Variants in TTC7B observed in about 807,000 individuals in gnomAD.
TTC7B encodes the protein tetratricopeptide repeat domain 7B, also known as tetratricopeptide repeat protein 7B.
Under a neutral mutation model 106.8 loss-of-function variants are expected in TTC7B, and 28 were observed. The ratio of observed to expected loss-of-function variants is 0.26; its 90% CI spans 0.19 to 0.36. TTC7B has a LOEUF of 0.36. Among genes scored for constraint, TTC7B ranks in the 10% least tolerant of loss-of-function variants. The probability of loss-of-function intolerance (pLI) is 1.00; values close to 1 mark genes in which losing one functional copy is unlikely to be tolerated. For missense variants in TTC7B, 862 were observed against 1,076.4 expected (o/e 0.80, Z 2.79); for synonymous variants, 405 against 430.6 (o/e 0.94, Z 0.74).
chr14:90,601,268 G>A (rs564466343), intron 17 of TTC7B, among the ~76,000 whole-genome samples: 2 of 152,206 alleles, frequency 1.3e-5, no homozygotes, highest in East Asian at 3.9e-4. Flanking sequence ...TTCTTTTAAA[G>A]CTACTTTATT....
At chr14:90,606,237 C>T (rs961241281) in intron 17 of TTC7B, among the ~76,000 whole-genome samples, 1 of 152,076 alleles carries the variant, frequency 6.6e-6, no homozygotes, top group African/African-American at 2.4e-5. Flanking sequence ...AGCATTATGA[C>T]AAGGGGGTGC....
At chr14:90,638,325 TTATG>T (rs1885032710) in intron 15 of TTC7B, among the ~76,000 whole-genome samples, 1 of 152,302 alleles carries the variant, frequency 6.6e-6, no homozygotes, top group South Asian at 2.1e-4. Context: ...AAAAAAGTCA[TTATG>T]TATGTAGAAA....
intron 15 of TTC7B, among the ~76,000 whole-genome samples, chr14:90,625,359 A>G (rs533228558): frequency 6.6e-6 from 1 of 152,274 alleles, no homozygotes; most frequent in South Asian, 2.1e-4. Context: ...AGCAGGGAGG[A>G]GGGATTCCTT....
At chr14:90,661,691 A>G (rs1166959581) in intron 9 of TTC7B, among the ~76,000 whole-genome samples, 1 of 152,180 alleles carries the variant, frequency 6.6e-6, no homozygotes, top group Admixed American at 6.5e-5. Flanking sequence ...AACACCACCA[A>G]GTACTTCAAT....
At chr14:90,680,914 T>C (rs879426720) in intron 7 of TTC7B, among the ~76,000 whole-genome samples, 17 of 152,252 alleles carry the variant, frequency 1.1e-4, no homozygotes, top group Non-Finnish European at 1.9e-4. Flanking sequence ...GTACTCTTCT[T>C]ACCTCTTACC....
chr14:90,693,361 A>G (rs889811026), intron 6 of TTC7B, among the ~76,000 whole-genome samples: 1 of 152,198 alleles, frequency 6.6e-6, no homozygotes, highest in African/African-American at 2.4e-5. Context: ...AGGAGAGTCA[A>G]ATTGCTAACC....
chr14:90,741,208 C>G (rs1457391975), intron 4 of TTC7B, among the ~76,000 whole-genome samples: 1 of 152,142 alleles, frequency 6.6e-6, no homozygotes, highest in Admixed American at 6.5e-5. Context: ...TGTCACTGCC[C>G]TTCAGGAACC....
At chr14:90,566,859 T>C (rs1566773732) in intron 19 of TTC7B, among the ~76,000 whole-genome samples, 1 of 152,076 alleles carries the variant, frequency 6.6e-6, no homozygotes, top group African/African-American at 2.4e-5. Context: ...CAGACCTTGG[T>C]TGGTTTGTTC....
chr14:90,584,771 C>A (rs1463889419), intron 18 of TTC7B, among the ~76,000 whole-genome samples: 1 of 152,122 alleles, frequency 6.6e-6, no homozygotes, highest in Non-Finnish European at 1.5e-5. Flanking sequence ...TCCTTTACCC[C>A]TGACCCTGCC....
chr14:90,799,687 G>T (rs1434396185), intron 1 of TTC7B, among the ~76,000 whole-genome samples: 1 of 152,212 alleles, frequency 6.6e-6, no homozygotes, highest in Non-Finnish European at 1.5e-5. Flanking sequence ...GTGTGGCTGG[G>T]TGGAGGGAAG....
chr14:90,692,862 T>C (rs1185526994), intron 6 of TTC7B, among the ~76,000 whole-genome samples: 1 of 152,062 alleles, frequency 6.6e-6, no homozygotes, highest in Non-Finnish European at 1.5e-5. Context: ...ATAAATCACA[T>C]TGATATTTAA....
chr14:90,789,904 A>AT lies in TTC7B; in HGVS notation c.122-3577_122-3576insA, dbSNP rs879489291. ...GAGCGAGACTCTGTCTCAAAAAAAAAAAAAAAAAATACTATCAGGTCAACA... is the reference window on the plus strand; with the variant it reads ...GAGCGAGACTCTGTCTCAAAAAAAAATAAAAAAAAATACTATCAGGTCAACA... On this transcript the variant is annotated intron_variant, in intron 1 of 19. Transcript: ENST00000328459. Among the ~76,000 whole-genome samples the AT allele has an allele frequency of 4.7e-3, 672 of 142,942 alleles. 5 individuals carry two copies. The highest frequency in any genetic ancestry group is 0.015 in the Admixed American group (209 of 14,090). The allele number at this position is 142,942 out of a possible 152,430, so 93.8% of individuals were successfully genotyped here. A position where few individuals can be genotyped will look rare whatever the true frequency, so the allele number is the denominator to read the frequency against.
At chr14:90,565,399 CTTTTT>C (rs35307541) in intron 19 of TTC7B, among the ~76,000 whole-genome samples, 1 of 107,596 alleles carries the variant, frequency 9.3e-6, no homozygotes, top group South Asian at 3.4e-4. Context: ...TCCTTTCTAG[CTTTTT>C]TTTTTTTTTT....
At chr14:90,667,436 C>T (rs1426438801) in intron 9 of TTC7B, among the ~76,000 whole-genome samples, 7 of 152,070 alleles carry the variant, frequency 4.6e-5, no homozygotes, top group Non-Finnish European at 1.0e-4. Context: ...TTAAGAATTG[C>T]GTTTATAGCT....
chr14:90,799,172 C>T (rs1304047323), intron 1 of TTC7B, among the ~76,000 whole-genome samples: 1 of 152,196 alleles, frequency 6.6e-6, no homozygotes, highest in African/African-American at 2.4e-5. Context: ...CCATCTGACT[C>T]ACCCAAGGGT....
chr14:90,567,536 AG>A (rs1305100014), intron 19 of TTC7B: 1 of 152,176 alleles, frequency 6.6e-6, no homozygotes, highest in African/African-American at 2.4e-5. Flanking sequence ...AAAGTTCTCT[AG>A]GGCAGCGTTA....
chr14:90,662,679 G>C (rs188817070), intron 9 of TTC7B, among the ~76,000 whole-genome samples: 1 of 152,202 alleles, frequency 6.6e-6, no homozygotes, highest in Non-Finnish European at 1.5e-5. Flanking sequence ...TGGGAACTAT[G>C]ACAGTAATTA....
intron 2 of TTC7B, among the ~76,000 whole-genome samples, chr14:90,781,425 G>T (rs1177291833): frequency 6.6e-6 from 1 of 152,164 alleles, no homozygotes; most frequent in East Asian, 1.9e-4. Flanking sequence ...CTCTGAATGG[G>T]TGAGTTGTAT....
intron 19 of TTC7B, among the ~76,000 whole-genome samples, chr14:90,565,399 C>CTTTTTTT (rs35307541): frequency 2.8e-5 from 3 of 107,598 alleles, no homozygotes; most frequent in Non-Finnish European, 3.7e-5. Context: ...TCCTTTCTAG[C>CTTTTTTT]TTTTTTTTTT....
Sources: gnomAD v4.1 joint callset for allele counts (sites outside exome capture counted in the v4.1 genomes callset) on GRCh38, gnomAD v4.1.1 for gene constraint, MANE v1.5 for transcripts, NCBI Gene and HGNC (gene_info 2026-07-23, HGNC 2026-07-21) for gene names.